Variants in ADGRV1 observed in about 807,000 individuals in gnomAD.
The protein encoded by ADGRV1 is adhesion G protein-coupled receptor V1.
In ADGRV1, 359 loss-of-function variants were observed where a neutral mutation model predicts 596.2. That is an observed-to-expected ratio of 0.60 (90% CI 0.55 to 0.66). ADGRV1 has a LOEUF of 0.66. Ranked by LOEUF, ADGRV1 falls within the 30% of genes least tolerant of loss-of-function variation. The probability of loss-of-function intolerance (pLI) is 0.00; values close to 1 mark genes in which losing one functional copy is unlikely to be tolerated. For synonymous variants in ADGRV1, 2,681 were observed against 2,679.2 expected (o/e 1.00, Z -0.02); for missense variants, 7,274 against 7,575.6 (o/e 0.96, Z 1.48).
chr5:90,805,211 C>T (rs567449781), intron 71 of ADGRV1, 73 bp from the exon 72 acceptor site: 43 of 1,299,908 alleles, frequency 3.3e-5, no homozygotes, highest in Non-Finnish European at 4.2e-5. Context: ...GGAAAGTTTA[C>T]GTTTAACCCA....
intron 84 of ADGRV1, among the ~76,000 whole-genome samples, chr5:90,977,379 G>C (rs1204720186): frequency 6.6e-6 from 1 of 152,178 alleles, no homozygotes; most frequent in East Asian, 1.9e-4. Context: ...AACTAAACTT[G>C]TTGCTATAGT....
At chr5:90,591,206 A>G (rs896434141) in intron 1 of ADGRV1, among the ~76,000 whole-genome samples, 1 of 152,176 alleles carries the variant, frequency 6.6e-6, no homozygotes, top group Non-Finnish European at 1.5e-5. Flanking sequence ...AGCCTGAGCA[A>G]CGTGGTGAAA....
rs753583712 is a variant in ADGRV1 at position 90,617,884 on chromosome 5, G to T, written c.288G>T (p.Val96=). 7.5e-6 allele frequency: 12 copies of T among 1,596,860 alleles called. No individual in the cohort carries two copies. The highest frequency in any genetic ancestry group is 5.1e-6 in the Non-Finnish European group (6 of 1,170,520). Residue 96 remains valine (V), a synonymous_variant, in exon 3 of 90, where the codon GTG becomes GTT. Coordinates refer to ENST00000405460, the MANE Select transcript of ADGRV1 (RefSeq NM_032119.4). ...FIPAGETNRT[V]YIAVCDDDLP... ...CTGCCGGAGAAACAAACAGAACAGT[G>T]TACATAGCAGTATGTGATGATGACT...
intron 84 of ADGRV1, among the ~76,000 whole-genome samples, chr5:90,972,000 G>T (rs1237178110): frequency 2.0e-5 from 3 of 152,164 alleles, no homozygotes; most frequent in Admixed American, 2.0e-4. Flanking sequence ...TAAAGGGATG[G>T]AGGAAAATCT....
At chr5:90,617,632 G>A in intron 2 of ADGRV1, 172 bp from the exon 3 acceptor site, 1 of 560,384 alleles carries the variant, frequency 1.8e-6, no homozygotes, top group South Asian at 2.4e-5. Context: ...TATTTCTGAA[G>A]ATAAGTTTTT....
intron 85 of ADGRV1, among the ~76,000 whole-genome samples, chr5:91,044,289 CTCAAAG>C (rs1317920580): frequency 1.3e-5 from 2 of 152,034 alleles, no homozygotes; most frequent in Admixed American, 6.6e-5. Flanking sequence ...AGTTTGACTT[CTCAAAG>C]TCAGTTATAT....
rs1458595980 is a variant in ADGRV1 at position 90,789,712 on chromosome 5, T to G, written c.13904T>G (p.Phe4635Cys). ...AKDVTLTIQE[F>C]GDPNGVVQFA... is the part of the protein sequence containing the mutation. ...GTTTATATTTTTTAGATACAAGAGT[T>G]TGGTGACCCAAATGGAGTTGTTCAG... is the stretch of plus-strand genomic sequence containing the variant. Residue 4635 changes from phenylalanine to cysteine, a missense_variant, in exon 69 of 90, where the codon TTT (phenylalanine) becomes TGT (cysteine). Around this residue, in one of 5 missense-constraint regions of ADGRV1, gnomAD observed 3,643 missense variants for 3,809.2 expected, o/e 0.96. Coordinates refer to ENST00000405460, the MANE Select transcript of ADGRV1 (RefSeq NM_032119.4). 5.8e-6 allele frequency: 9 copies of G among 1,550,686 alleles called. No individual in the cohort carries two copies. Among genetic ancestry groups the G allele is most frequent in the Non-Finnish European group, 7.9e-6 (9 of 1,142,658 alleles).
chr5:90,828,929 T>G lies in ADGRV1; in HGVS notation c.16369-15T>G. On this transcript the variant is annotated splice_polypyrimidine_tract_variant and intron_variant, in intron 76 of 89. Coordinates refer to ENST00000405460, the MANE Select transcript of ADGRV1 (RefSeq NM_032119.4). ...TTAGTAATAGTTGTTTTTTTTTCCTTTTTCTCATTGTCAGGTACCACAGGT... is the reference window on the plus strand; with the variant it reads ...TTAGTAATAGTTGTTTTTTTTTCCTGTTTCTCATTGTCAGGTACCACAGGT... The G allele has an allele frequency of 6.5e-7, 1 of 1,526,768 alleles. No individual in the cohort carries two copies. The highest frequency in any genetic ancestry group is 8.8e-7 in the Non-Finnish European group (1 of 1,133,728). 94.6% of individuals were successfully genotyped at this position (1,526,768 alleles called of 1,614,324 possible).
intron 68 of ADGRV1, among the ~76,000 whole-genome samples, chr5:90,788,987 G>A (rs530749781): frequency 9.9e-5 from 15 of 152,166 alleles, no homozygotes; most frequent in Non-Finnish European, 1.9e-4. Context: ...CCATGAAATA[G>A]GCTGGCAGGA....
In ADGRV1 at chr5:90,637,790, C is replaced by T; in HGVS notation, c.2082C>T (p.Pro694=). The part of the protein sequence containing the change: ...GQATVYWSLK[P]SGFNSKAVTP... Reference sequence around the variant, plus strand: ...CTACTGTCTACTGGAGTTTGAAGCCCTCTGGCTTTAATTCAAAAGCAGTGA... The same window carrying T: ...CTACTGTCTACTGGAGTTTGAAGCCTTCTGGCTTTAATTCAAAAGCAGTGA... The change falls in exon 11 of 90, where the codon CCC becomes CCT. Residue 694 remains proline (P), a synonymous_variant. Transcript: ENST00000405460. The T allele has an allele frequency of 6.2e-7, 1 of 1,613,546 alleles. No homozygotes were observed.
chr5:91,069,153 A>G (rs1020029456), intron 85 of ADGRV1, among the ~76,000 whole-genome samples: 5 of 152,202 alleles, frequency 3.3e-5, no homozygotes, highest in Non-Finnish European at 5.9e-5. Context: ...GGATGGATTA[A>G]AGACTTAACT....
intron 83 of ADGRV1, among the ~76,000 whole-genome samples, chr5:90,942,237 C>T (rs373003030): frequency 9.9e-4 from 151 of 152,232 alleles, no homozygotes; most frequent in Middle Eastern, 3.4e-3. Context: ...TTTGAAGAAA[C>T]TTATGTACTG....
chr5:90,856,006 T>G (rs1766989782), intron 82 of ADGRV1, 105 bp downstream of exon 82: 1 of 897,618 alleles, frequency 1.1e-6, no homozygotes. Flanking sequence ...ATACCGTAAT[T>G]CATCAGCACT....
chr5:90,761,205 A>AACTGCCTG (rs917437126), intron 58 of ADGRV1, among the ~76,000 whole-genome samples: 18 of 151,814 alleles, frequency 1.2e-4, no homozygotes, highest in African/African-American at 4.4e-4. Flanking sequence ...TATAACAAAT[A>AACTGCCTG]AGGATTTGGC....
intron 84 of ADGRV1, among the ~76,000 whole-genome samples, chr5:90,980,816 A>G (rs1780018436): frequency 6.6e-6 from 1 of 152,216 alleles, no homozygotes; most frequent in African/African-American, 2.4e-5. Flanking sequence ...TGCAAATATA[A>G]TGATCTGTTA....
chr5:90,891,045 G>A (rs941772714), intron 83 of ADGRV1, among the ~76,000 whole-genome samples: 13 of 151,678 alleles, frequency 8.6e-5, no homozygotes, highest in Admixed American at 2.6e-4. Context: ...GAAGGAGCAG[G>A]AATGGAATGG....
intron 47 of ADGRV1, 106 bp downstream of exon 47, chr5:90,725,338 A>G (rs373866967): frequency 1.2e-6 from 1 of 855,566 alleles, no homozygotes. Flanking sequence ...TAATGTGAAA[A>G]AGGACTTTTT....
At chr5:90,652,650 T>C (rs546286198) in intron 19 of ADGRV1, 87 bp downstream of exon 19, 1 of 807,864 alleles carries the variant, frequency 1.2e-6, no homozygotes, top group Non-Finnish European at 1.9e-6. Context: ...TAGAGCCATA[T>C]ACAAAATGCA....
chr5:91,145,417 C>T (rs757994667), intron 87 of ADGRV1, among the ~76,000 whole-genome samples: 10 of 152,324 alleles, frequency 6.6e-5, no homozygotes, highest in South Asian at 4.1e-4. Context: ...AAATCAGTAA[C>T]GTTTGCACAA....
Sources: gnomAD v4.1 joint callset for allele counts (sites outside exome capture counted in the v4.1 genomes callset) on GRCh38, gnomAD v4.1.1 for gene constraint, gnomAD v4.1.1 regional missense constraint, MANE v1.5 for transcripts, NCBI Gene and HGNC (gene_info 2026-07-23, HGNC 2026-07-21) for gene names.